The following ZMYM2 variants were observed in gnomAD, a reference collection of about 807,000 sequenced individuals.
The protein encoded by ZMYM2 is zinc finger MYM-type protein 2.
In ZMYM2, 56 loss-of-function variants were observed where a neutral mutation model predicts 162.8. That is an observed-to-expected ratio of 0.34 (90% CI 0.28 to 0.43). The LOEUF (loss-of-function observed/expected upper bound fraction) is 0.43. Ranked by LOEUF, ZMYM2 falls within the 20% of genes least tolerant of loss-of-function variation. The pLI is 1.00. For missense variants in ZMYM2, 1,275 were observed against 1,621.8 expected, an observed-to-expected ratio of 0.79 and a Z score of 3.67; for synonymous variants, 510 against 541.6, an observed-to-expected ratio of 0.94 and a Z score of 0.81.
intron 12 of ZMYM2, among the ~76,000 whole-genome samples, chr13:20,044,911 A>G (rs1162232463): frequency 6.6e-6 from 1 of 151,864 alleles, no homozygotes; most frequent in African/African-American, 2.4e-5. Flanking sequence ...TTAGCCATGC[A>G]TGGTGGTGCA....
intron 2 of ZMYM2, chr13:19,965,188 A>C (rs1211078108): frequency 9.0e-6 from 11 of 1,227,336 alleles, no homozygotes; most frequent in Non-Finnish European, 7.4e-6. Context: ...TGTGACTATA[A>C]TACAGTGAGA....
chr13:19,959,491 A>G (rs1346027045), intron 1 of ZMYM2, among the ~76,000 whole-genome samples: 1 of 151,874 alleles, frequency 6.6e-6, no homozygotes, highest in African/African-American at 2.4e-5. Flanking sequence ...CCGGTCGCCG[A>G]CTGCAGGGGG....
At chr13:19,973,842 GA>G (rs1360612164) in intron 2 of ZMYM2, among the ~76,000 whole-genome samples, 2 of 152,096 alleles carry the variant, frequency 1.3e-5, no homozygotes, top group African/African-American at 2.4e-5. Flanking sequence ...AACATTGTGA[GA>G]TTTTTTTTTT....
chr13:19,955,917 G>A (rs1007705646), upstream of ZMYM2, among the ~76,000 whole-genome samples: 1 of 152,200 alleles, frequency 6.6e-6, no homozygotes, highest in African/African-American at 2.4e-5. Context: ...CTGCCTCTTG[G>A]ATGTCTGGTA....
In ZMYM2 at chr13:20,031,312, G is replaced by T; in HGVS notation, c.1852-7G>T. On this transcript the variant is annotated splice_region_variant and splice_polypyrimidine_tract_variant and intron_variant, in intron 9 of 24. Transcript: ENST00000610343. ...TCAGGCTTAGTATCTTTTGTTCTTT[G>T]TTTTAGGCTCTAAGTATGCAGTCAT... 3.8e-6 allele frequency: 6 copies of T among 1,593,426 alleles called. No individual in the cohort carries two copies. Among genetic ancestry groups the T allele is most frequent in the Non-Finnish European group, 5.1e-6 (6 of 1,171,094 alleles).
rs767613795 is a variant in ZMYM2 at position 19,993,249 on chromosome 13, T to C, written c.177T>C (p.Asp59=). 2 of 1,613,974 alleles carry C rather than the reference T, an allele frequency of 1.2e-6. No individual in the cohort carries two copies. Among genetic ancestry groups the C allele is most frequent in the South Asian group, 1.1e-5 (1 of 91,080 alleles). ...FQNSSVEDDD[D]VVFIEPVQPP... ...ACTCGTCAGTGGAAGATGATGATGA[T>C]GTTGTTTTTATCGAACCTGTACAAC... Residue 59 remains aspartate (D), a synonymous_variant, in exon 3 of 25, where the codon GAT becomes GAC. Coordinates refer to ENST00000610343, the MANE Select transcript of ZMYM2 (RefSeq NM_197968.4).
chr13:19,947,292 C>T, the ZMYM2 span, among the ~76,000 whole-genome samples: 1 of 151,756 alleles, frequency 6.6e-6, no homozygotes, highest in Non-Finnish European at 1.5e-5. Context: ...GATCTTCTGA[C>T]CTCATGATCT....
rs1003165289 is a variant in ZMYM2, at chr13:20,085,503, A to G, written c.3942-319A>G. On this transcript the variant is annotated intron_variant, in intron 24 of 24. Coordinates refer to ENST00000610343, the MANE Select transcript of ZMYM2 (RefSeq NM_197968.4). Reference sequence around the variant, plus strand: ...ACATTTCACTATTTCTGAAACTGGGATGCACAGTTTAAATTGTTGCATCTT... The same window carrying G: ...ACATTTCACTATTTCTGAAACTGGGGTGCACAGTTTAAATTGTTGCATCTT... 1.4e-4 allele frequency among the ~76,000 whole-genome samples: 22 copies of G among 152,316 alleles called. No homozygotes were observed. In the Middle Eastern group the frequency reaches 0.01, roughly 71 times the overall value.
intron 9 of ZMYM2, 105 bp downstream of exon 9, chr13:20,027,423 G>C (rs2140263680): frequency 5.8e-6 from 5 of 868,034 alleles, no homozygotes; most frequent in African/African-American, 5.3e-5. Flanking sequence ...TACGTAGCTT[G>C]TTGAGGGTCA....
chr13:20,067,272 C>G lies in ZMYM2; in HGVS notation c.3335C>G (p.Ser1112Cys), dbSNP rs1476271859. The G allele has an allele frequency of 1.3e-6, 2 of 1,578,074 alleles. No individual in the cohort carries two copies. Among genetic ancestry groups the G allele is most frequent in the Non-Finnish European group, 1.7e-6 (2 of 1,160,790 alleles). ...GTAAAGTTAAAAGAGGATCTACTCT[C>G]TCACACCACAGCTGAGCTTAACTAT... ...KSVKLKEDLL[S>C]HTTAELNYGL... Residue 1112 changes from serine to cysteine, a missense_variant, in exon 21 of 25, where the codon TCT (serine) becomes TGT (cysteine). Ser to Cys is a moderately radical substitution (Grantham distance 112, BLOSUM62 -1). Around this residue, in one of 10 missense-constraint regions of ZMYM2, gnomAD observed 229 missense variants for 283.8 expected, o/e 0.81. Coordinates refer to ENST00000610343, the MANE Select transcript of ZMYM2 (RefSeq NM_197968.4).
chr13:20,076,789 C>T (rs1957535931), intron 21 of ZMYM2, among the ~76,000 whole-genome samples: 5 of 150,278 alleles, frequency 3.3e-5, no homozygotes, highest in Admixed American at 3.3e-4. Flanking sequence ...TAGAGGATTT[C>T]TAAGCTTATT....
the ZMYM2 span, among the ~76,000 whole-genome samples, chr13:19,919,740 C>T: frequency 6.7e-6 from 1 of 149,660 alleles, no homozygotes; most frequent in South Asian, 2.1e-4. Flanking sequence ...TGCAATGGTG[C>T]GATCTCAGCT....
At chr13:20,003,242 G>A (rs1340749463) in intron 4 of ZMYM2, 107 bp downstream of exon 4, 3 of 1,327,040 alleles carry the variant, frequency 2.3e-6, no homozygotes, top group African/African-American at 1.5e-5. Context: ...TCCCTATCAA[G>A]TCCAGGTGGC....
chr13:20,076,709 A>T (rs1250998691), intron 21 of ZMYM2, among the ~76,000 whole-genome samples: 3 of 150,678 alleles, frequency 2.0e-5, no homozygotes, highest in African/African-American at 7.5e-5. Flanking sequence ...GTAAACTCAC[A>T]GTGTGGCTTG....
At chr13:20,025,972 G>A (rs1952546529) in intron 7 of ZMYM2, 2 of 152,062 alleles carry the variant, frequency 1.3e-5, no homozygotes, top group African/African-American at 4.8e-5. Context: ...TTTGGCAGGA[G>A]GATTAACTTT....
the ZMYM2 span, among the ~76,000 whole-genome samples, chr13:19,924,757 C>T: frequency 2.2e-4 from 34 of 152,144 alleles, no homozygotes; most frequent in Non-Finnish European, 2.1e-4. Context: ...TTGTGAATAA[C>T]GCTTCTATGA....
At chr13:20,047,097 T>G (rs1954896841) in intron 12 of ZMYM2, among the ~76,000 whole-genome samples, 1 of 152,244 alleles carries the variant, frequency 6.6e-6, no homozygotes, top group Non-Finnish European at 1.5e-5. Context: ...GGTAGAAATT[T>G]ATAAAGCAAG....
intron 2 of ZMYM2, among the ~76,000 whole-genome samples, chr13:19,972,512 A>G (rs1252757408): frequency 6.6e-6 from 1 of 152,120 alleles, no homozygotes; most frequent in Non-Finnish European, 1.5e-5. Flanking sequence ...TTTAAGAGTT[A>G]ATACAGAAAG....
At chr13:19,870,599 T>TTCCTTCCTTC in the ZMYM2 span, among the ~76,000 whole-genome samples, 4 of 131,678 alleles carry the variant, frequency 3.0e-5, no homozygotes, top group African/African-American at 1.2e-4. Context: ...TTCCTTCCTT[T>TTCCTTCCTTC]CTTTCTTTCT....
Sources: gnomAD v4.1 joint callset for allele counts (sites outside exome capture counted in the v4.1 genomes callset) on GRCh38, gnomAD v4.1.1 for gene constraint, gnomAD v4.1.1 regional missense constraint, MANE v1.5 for transcripts, NCBI Gene and HGNC (gene_info 2026-07-23, HGNC 2026-07-21) for gene names.